The following PPP1R12B variants were observed in gnomAD, a reference collection of about 807,000 sequenced individuals.
PPP1R12B encodes protein phosphatase 1 regulatory subunit 12B, also known as myosin phosphatase target subunit 2.
A neutral mutation model predicts 126.1 loss-of-function variants in PPP1R12B; 76 were observed. The observed-to-expected ratio is 0.60, with a 90% CI of 0.50 to 0.73. The LOEUF (loss-of-function observed/expected upper bound fraction) is 0.73, where lower values mean the gene tolerates loss of function less well. PPP1R12B is among the 30% of genes least tolerant of loss of function. PPP1R12B has a pLI of 0.00. For synonymous variants in PPP1R12B, 356 were observed against 434.7 expected, an observed-to-expected ratio of 0.82 and a Z score of 2.25; for missense variants, 1,052 against 1,205.1, an observed-to-expected ratio of 0.87 and a Z score of 1.88.
chr1:202,435,123 G>A lies in PPP1R12B; in HGVS notation c.1254+355G>A, dbSNP rs574164060. ...AAGGTAACCAGCCCTATCAGATTAG[G>A]GCCCCACCCTATTAACCTCATTTAA... On this transcript the variant is annotated intron_variant, in intron 9 of 23. Coordinates refer to ENST00000608999, the MANE Select transcript of PPP1R12B (RefSeq NM_002481.4). 5.9e-5 allele frequency among the ~76,000 whole-genome samples: 9 copies of A among 152,106 alleles called. No individual in the cohort carries two copies. In the East Asian group the frequency reaches 1.7e-3, roughly 29 times the overall value.
chr1:202,438,808 G>A (rs1174507486), intron 10 of PPP1R12B: 30 of 815,422 alleles, frequency 3.7e-5, no homozygotes, highest in Non-Finnish European at 6.6e-5. Context: ...CTGGATCTTA[G>A]TGTCTAACTC....
chr1:202,568,782 T>C (rs1316879040), intron 22 of PPP1R12B, among the ~76,000 whole-genome samples: 2 of 152,204 alleles, frequency 1.3e-5, no homozygotes, highest in African/African-American at 4.8e-5. Context: ...CTGAAGATAA[T>C]GATGCCTTTT....
chr1:202,495,079 G>A (rs1022102922), intron 15 of PPP1R12B, among the ~76,000 whole-genome samples: 1 of 149,948 alleles, frequency 6.7e-6, no homozygotes, highest in African/African-American at 2.5e-5. Context: ...GATTCTCAGA[G>A]TAGGAGTCTA....
chr1:202,454,600 TTG>T (rs1397435946), intron 13 of PPP1R12B, among the ~76,000 whole-genome samples: 1 of 152,060 alleles, frequency 6.6e-6, no homozygotes, highest in African/African-American at 2.4e-5. Flanking sequence ...GTAGTATGAG[TTG>T]TTATAACAGT....
At chr1:202,488,702 T>A in intron 14 of PPP1R12B, 79 bp downstream of exon 14, 1 of 1,242,848 alleles carries the variant, frequency 8.0e-7, no homozygotes, top group Non-Finnish European at 1.1e-6. Context: ...CACTGCAATA[T>A]CCATGTTCAA....
intron 13 of PPP1R12B, among the ~76,000 whole-genome samples, chr1:202,454,718 G>A (rs1673401720): frequency 6.6e-6 from 1 of 152,132 alleles, no homozygotes; most frequent in Admixed American, 6.5e-5. Flanking sequence ...AGGATCACTT[G>A]AGACCAGGAG....
At position 202,348,754 on chromosome 1, in the gene PPP1R12B, C is replaced by G. The variant is rs1460133244; in HGVS notation, c.-98C>G. The G allele has an allele frequency of 4.9e-6, 7 of 1,431,772 alleles. No homozygotes were observed. Among genetic ancestry groups the G allele is most frequent in the South Asian group, 2.9e-5 (2 of 68,226 alleles). The allele number at this position is 1,431,772 out of a possible 1,614,324, so 88.7% of individuals were successfully genotyped here. A position where few individuals can be genotyped will look rare whatever the true frequency, so the allele number is the denominator to read the frequency against. Reference sequence around the variant, plus strand: ...GGCGCGAGGGTCTCCGCCCTCTGCTCCGGGCTGAAGCGCTCTGAGAGAGGC... The same window carrying G: ...GGCGCGAGGGTCTCCGCCCTCTGCTGCGGGCTGAAGCGCTCTGAGAGAGGC... On this transcript the variant is annotated 5_prime_UTR_variant, in exon 1 of 24. Coordinates refer to ENST00000608999, the MANE Select transcript of PPP1R12B (RefSeq NM_002481.4).
chr1:202,502,563 A>G (rs2148875630), intron 18 of PPP1R12B: 5 of 724,642 alleles, frequency 6.9e-6, no homozygotes, highest in Non-Finnish European at 8.4e-6. Context: ...GGATGCAACA[A>G]TGAACAAACA....
At chr1:202,550,720 C>T (rs1471462610) in intron 18 of PPP1R12B, among the ~76,000 whole-genome samples, 1 of 152,194 alleles carries the variant, frequency 6.6e-6, no homozygotes, top group Admixed American at 6.5e-5. Flanking sequence ...TTTAGAGCTC[C>T]TCATTCCCCT....
rs35064182 is a variant in PPP1R12B at position 202,587,504 on chromosome 1, C to CTGTT, written c.*6946_*6949dup. The CTGTT allele has an allele frequency of 0.5, 76,166 of 151,652 alleles. 21,861 individuals carry two copies. Among genetic ancestry groups the CTGTT allele is most frequent in the East Asian group, 0.69 (3,531 of 5,140 alleles). 9.4% of individuals were successfully genotyped at this position (151,652 alleles called of 1,614,324 possible). ...GTCTGGTTTACTCTTTATCCTGAGA[C>CTGTT]TGTTTATAGCTTAAAACAGAAGTGT... is the stretch of plus-strand genomic sequence containing the variant. On this transcript the variant is annotated 3_prime_UTR_variant, in exon 24 of 24. Coordinates refer to ENST00000608999, the MANE Select transcript of PPP1R12B (RefSeq NM_002481.4).
At chr1:202,391,025 C>T (rs1237571465) in intron 1 of PPP1R12B, among the ~76,000 whole-genome samples, 7 of 152,042 alleles carry the variant, frequency 4.6e-5, no homozygotes, top group East Asian at 1.9e-4. Context: ...ATCGTGCCAC[C>T]GCACTGCAGG....
chr1:202,374,033 G>A (rs1009572134), intron 1 of PPP1R12B, among the ~76,000 whole-genome samples: 17 of 152,166 alleles, frequency 1.1e-4, no homozygotes, highest in African/African-American at 3.6e-4. Flanking sequence ...TTGGGATGAT[G>A]TCTCACATAG....
chr1:202,512,767 T>A (rs562119837), intron 18 of PPP1R12B, among the ~76,000 whole-genome samples: 2 of 152,294 alleles, frequency 1.3e-5, no homozygotes, highest in East Asian at 3.9e-4. Context: ...TCTAGAATTC[T>A]CTTCCTCTTA....
chr1:202,407,942 A>G (rs777189356), intron 1 of PPP1R12B, among the ~76,000 whole-genome samples: 6 of 152,198 alleles, frequency 3.9e-5, no homozygotes, highest in Non-Finnish European at 5.9e-5. Flanking sequence ...ACAAATAAAA[A>G]CAGTATAGAA....
At chr1:202,409,879 A>T (rs1558190084) in intron 1 of PPP1R12B, among the ~76,000 whole-genome samples, 2 of 152,016 alleles carry the variant, frequency 1.3e-5, no homozygotes, top group Non-Finnish European at 2.9e-5. Flanking sequence ...TTTGATTTTC[A>T]TTTCCCTAAT....
intron 1 of PPP1R12B, among the ~76,000 whole-genome samples, chr1:202,379,552 A>C (rs1571704087): frequency 6.6e-6 from 1 of 152,220 alleles, no homozygotes; most frequent in African/African-American, 2.4e-5. Flanking sequence ...TTACACTGCT[A>C]GTATTCTAGT....
At chr1:202,559,412 C>G (rs1344771330) in intron 19 of PPP1R12B, among the ~76,000 whole-genome samples, 1 of 152,104 alleles carries the variant, frequency 6.6e-6, no homozygotes, top group Admixed American at 6.5e-5. Context: ...AGATGATGCT[C>G]CTTAGTAGTT....
At chr1:202,387,686 C>T (rs556558571) in intron 1 of PPP1R12B, among the ~76,000 whole-genome samples, 1 of 152,178 alleles carries the variant, frequency 6.6e-6, no homozygotes, top group Non-Finnish European at 1.5e-5. Flanking sequence ...AACAAACTCC[C>T]TATTTGATCC....
chr1:202,367,448 C>T (rs1280790850), intron 1 of PPP1R12B, among the ~76,000 whole-genome samples: 2 of 152,188 alleles, frequency 1.3e-5, no homozygotes, highest in Non-Finnish European at 2.9e-5. Context: ...CTACCAGACA[C>T]TGTATCATCT....
Sources: allele counts gnomAD v4.1 joint callset (sites outside exome capture counted in the v4.1 genomes callset), GRCh38; gene constraint gnomAD v4.1.1; transcripts MANE v1.5; gene names NCBI Gene and HGNC (gene_info 2026-07-23, HGNC 2026-07-21).